VWA2: variants seen among roughly 807,000 people sequenced by gnomAD.
VWA2 encodes von Willebrand factor A domain-containing protein 2.
In VWA2, 73 loss-of-function variants were observed where a neutral mutation model predicts 70.4. That is an observed-to-expected ratio of 1.04 (90% CI 0.86 to 1.26). The LOEUF (loss-of-function observed/expected upper bound fraction) is 1.26, where lower values mean the gene tolerates loss of function less well. Among genes scored for constraint, VWA2 ranks in the 50% most tolerant of loss-of-function variants. The pLI, the probability that VWA2 is intolerant of heterozygous loss-of-function variation, is 0.00. For synonymous variants in VWA2, 407 were observed against 423.3 expected (o/e 0.96, Z 0.47); for missense variants, 1,011 against 998.5 (o/e 1.01, Z -0.17).
Position 114,284,895 on chromosome 10 carries a change from G to C in VWA2, c.922G>C (p.Gly308Arg). 6.2e-7 allele frequency: 1 copy of C among 1,608,454 alleles called. No homozygotes were observed. Among genetic ancestry groups the C allele is most frequent in the Non-Finnish European group, 8.5e-7 (1 of 1,178,170 alleles). The change falls in exon 10 of 14, where the codon GGC (glycine) becomes CGC (arginine). Residue 308 changes from glycine to arginine, a missense_variant. By Grantham distance (125) the Gly-to-Arg change is moderately radical (BLOSUM62 -2). Transcript: ENST00000392982. Reference protein sequence around the residue: ...PCDSQPCQNGGTCVPEGLDGY... With the variant: ...PCDSQPCQNGRTCVPEGLDGY... ...TGACTCGCAGCCCTGCCAGAATGGA[G>C]GCACATGTGTTCCAGAAGGACTGGA... is the stretch of plus-strand genomic sequence containing the variant.
In VWA2 at chr10:114,290,244, C is replaced by T. The variant is rs1300405779; in HGVS notation, c.2127C>T (p.Ala709=). Residue 709 remains alanine (A), a synonymous_variant, in exon 13 of 14, where the codon GCC becomes GCT. Transcript: ENST00000392982. The part of the protein sequence containing the change: ...DVLIEWLCGE[A]KQPVNLCKPS... ...GTATGGTGTTCTCCATTGTAGAAGC[C>T]AAGCAGCCAGTCAACCTCTGCAAAC... The T allele has an allele frequency of 3.9e-6, 6 of 1,550,312 alleles. No homozygotes were observed. The highest frequency in any genetic ancestry group is 5.2e-6 in the Non-Finnish European group (6 of 1,146,920).
intron 7 of VWA2, 39 bp downstream of exon 7, chr10:114,278,086 TG>T: frequency 6.3e-7 from 1 of 1,590,652 alleles, no homozygotes; most frequent in Non-Finnish European, 8.6e-7. Flanking sequence ...AAGTGCCATG[TG>T]GGGTCGGGGA....
chr10:114,267,855 C>T (rs2037608283), intron 5 of VWA2, among the ~76,000 whole-genome samples: 1 of 152,042 alleles, frequency 6.6e-6, no homozygotes, highest in Non-Finnish European at 1.5e-5. Context: ...ATTTTCAGGC[C>T]AGGTTACAGA....
intron 5 of VWA2, among the ~76,000 whole-genome samples, chr10:114,262,466 T>G (rs929990637): frequency 6.6e-6 from 1 of 152,156 alleles, no homozygotes; most frequent in Non-Finnish European, 1.5e-5. Context: ...CTTGCCACTC[T>G]GGTCTGTGGA....
At chr10:114,250,623 C>G (rs1412039683) in intron 2 of VWA2, among the ~76,000 whole-genome samples, 1 of 152,212 alleles carries the variant, frequency 6.6e-6, no homozygotes, top group South Asian at 2.1e-4. Context: ...TTTCCTGGAA[C>G]CTAGCGAGGA....
Position 114,277,099 on chromosome 10 carries a change from T to C in VWA2, c.567-815T>C, listed in dbSNP as rs114821260. On this transcript the variant is annotated intron_variant, in intron 6 of 13. Transcript: ENST00000392982. ...AATGAATGGGATTTTTGCCCTATCG[T>C]CAAACCTTGGTCCACCCTGATGACT... Among the ~76,000 whole-genome samples, 530 of 149,442 alleles carry C rather than the reference T, an allele frequency of 3.5e-3. 6 individuals are homozygous for C. The highest frequency in any genetic ancestry group is 0.013 in the African/African-American group (511 of 40,772).
intron 6 of VWA2, among the ~76,000 whole-genome samples, chr10:114,275,010 T>G (rs1259350300): frequency 6.6e-6 from 1 of 152,052 alleles, no homozygotes; most frequent in East Asian, 1.9e-4. Context: ...TACAGCTCAG[T>G]GTGGGAGCCG....
At chr10:114,274,506 G>A (rs998707440) in intron 6 of VWA2, among the ~76,000 whole-genome samples, 8 of 152,086 alleles carry the variant, frequency 5.3e-5, no homozygotes, top group Non-Finnish European at 7.4e-5. Flanking sequence ...AGACAGCCTC[G>A]CTTTGTCACC....
intron 8 of VWA2, among the ~76,000 whole-genome samples, chr10:114,279,468 T>G (rs904332078): frequency 2.4e-4 from 36 of 152,166 alleles, no homozygotes; most frequent in African/African-American, 8.7e-4. Flanking sequence ...CAGCTGCATC[T>G]TTACCCATTG....
chr10:114,276,421 C>T lies in VWA2; in HGVS notation c.567-1493C>T, dbSNP rs1192818081. Among the ~76,000 whole-genome samples the T allele has an allele frequency of 2.0e-5, 3 of 152,234 alleles. No homozygotes were observed. In the South Asian group the frequency reaches 6.2e-4, roughly 31 times the overall value. On this transcript the variant is annotated intron_variant, in intron 6 of 13. Coordinates refer to ENST00000392982, the MANE Select transcript of VWA2 (RefSeq NM_001272046.2). ...CTGCCTTCAGTGACTCTGATGCCCA[C>T]CAGAGTTTGAGGGTCACTGCCAAGG... is the stretch of plus-strand genomic sequence containing the variant.
intron 11 of VWA2, among the ~76,000 whole-genome samples, chr10:114,286,890 G>A (rs1258247061): frequency 6.6e-6 from 1 of 152,126 alleles, no homozygotes; most frequent in Non-Finnish European, 1.5e-5. Flanking sequence ...TCCTTTGATG[G>A]CAATCCACAG....
chr10:114,273,366 G>A (rs1023151291), intron 6 of VWA2, among the ~76,000 whole-genome samples: 5 of 152,138 alleles, frequency 3.3e-5, no homozygotes, highest in African/African-American at 1.2e-4. Context: ...AGCTGTGGAC[G>A]GTGCCCAGCT....
chr10:114,284,967 T>A lies in VWA2; in HGVS notation c.994T>A (p.Cys332Ser), dbSNP rs1324355912. Residue 332 changes from cysteine (C) to serine (S), a missense_variant, in exon 10 of 14, where the codon TGT (cysteine) becomes AGT (serine). Coordinates refer to ENST00000392982, the MANE Select transcript of VWA2 (RefSeq NM_001272046.2). Reference sequence around the variant, plus strand: ...GCTGGCCTTTGGAGGGGAGGCTAACTGTGGTAGGTATGCACCGGCCCTGCA... The same window carrying A: ...GCTGGCCTTTGGAGGGGAGGCTAACAGTGGTAGGTATGCACCGGCCCTGCA... Reference protein sequence around the residue: ...CPLAFGGEANCALKLSLECRV... With the variant: ...CPLAFGGEANSALKLSLECRV... The A allele has an allele frequency of 6.3e-7, 1 of 1,595,486 alleles. No homozygotes were observed. The highest frequency in any genetic ancestry group is 1.7e-5 in the Admixed American group (1 of 57,174).
At chr10:114,246,749 G>A (rs2037081386) in intron 1 of VWA2, 1 of 1,456,430 alleles carries the variant, frequency 6.9e-7, no homozygotes, top group African/African-American at 1.4e-5. Context: ...CCTTGAACCA[G>A]GGCTGCTGTA....
Position 114,289,143 on chromosome 10 carries a change from T to G in VWA2, c.1776T>G (p.Ala592=). ...GGCTGGACACCAAACCCACCCGGGC[T>G]GCGATGCTGCGGGCCATTAGCCAGG... ...AFGLDTKPTR[A]AMLRAISQAP... is the part of the protein sequence containing the mutation. The change falls in exon 12 of 14, where the codon GCT becomes GCG. Residue 592 remains alanine, a synonymous_variant. Transcript: ENST00000392982. The G allele has an allele frequency of 6.2e-7, 1 of 1,613,878 alleles. No homozygotes were observed. The highest frequency in any genetic ancestry group is 8.5e-7 in the Non-Finnish European group (1 of 1,179,930).
chr10:114,283,726 A>G (rs929511812), intron 9 of VWA2, among the ~76,000 whole-genome samples: 3 of 152,238 alleles, frequency 2.0e-5, no homozygotes, highest in Admixed American at 1.3e-4. Flanking sequence ...TATTGTGCTT[A>G]GCACAGTCCC....
chr10:114,283,220 T>C (rs2038398428), intron 9 of VWA2, among the ~76,000 whole-genome samples: 1 of 152,124 alleles, frequency 6.6e-6, no homozygotes, highest in African/African-American at 2.4e-5. Flanking sequence ...ATGAGTAGCC[T>C]GTCTCCCGGA....
Position 114,291,316 on chromosome 10 carries a change from T to A in VWA2, c.*79T>A. 1 of 1,462,164 alleles carries A rather than the reference T, an allele frequency of 6.8e-7. No homozygotes were observed. The highest frequency in any genetic ancestry group is 2.3e-5 in the Admixed American group (1 of 42,766). The allele number at this position is 1,462,164 out of a possible 1,614,324, so 90.6% of individuals were successfully genotyped here. On this transcript the variant is annotated 3_prime_UTR_variant, in exon 14 of 14. Transcript: ENST00000392982. ...AGAGAAGGCCTGGGCACTGAAATGG[T>A]GCCTACCTTCTGGAATGTCTGTGCC...
At chr10:114,246,465 C>T (rs548791036) in intron 1 of VWA2, 2 of 624,684 alleles carry the variant, frequency 3.2e-6, no homozygotes, top group East Asian at 5.6e-5. Flanking sequence ...CATGCCATTG[C>T]ATTCCAGCCT....
Sources: gnomAD v4.1 joint callset for allele counts (sites outside exome capture counted in the v4.1 genomes callset) on GRCh38, gnomAD v4.1.1 for gene constraint, MANE v1.5 for transcripts, NCBI Gene and HGNC (gene_info 2026-07-23, HGNC 2026-07-21) for gene names.